FAM227A: variants seen among roughly 807,000 people sequenced by gnomAD.
The protein encoded by FAM227A is family with sequence similarity 227 member A, also known as protein FAM227A.
In FAM227A, 80 loss-of-function variants were observed where a neutral mutation model predicts 74.7. The ratio of observed to expected loss-of-function variants is 1.07; its 90% CI spans 0.89 to 1.29. The LOEUF is 1.29. Among genes scored for constraint, FAM227A ranks in the 50% most tolerant of loss-of-function variants. The pLI is 0.00. For missense variants in FAM227A, 654 were observed against 683.4 expected (o/e 0.96, Z 0.48); for synonymous variants, 237 against 241.8 (o/e 0.98, Z 0.19).
intron 14 of FAM227A, among the ~76,000 whole-genome samples, chr22:38,597,977 A>G (rs2091084644): frequency 6.8e-6 from 1 of 148,030 alleles, no homozygotes; most frequent in Admixed American, 6.8e-5. Flanking sequence ...CAGGAGGCGG[A>G]AGTTGCGGTG....
intron 11 of FAM227A, among the ~76,000 whole-genome samples, chr22:38,613,289 T>TATCATATACA (rs2091483220): frequency 6.1e-5 from 5 of 82,132 alleles, no homozygotes. Context: ...TCATATATAA[T>TATCATATACA]ATATATCATA....
Position 38,583,064 on chromosome 22 carries a change from A to G in FAM227A, c.*3061T>C. On this transcript the variant is annotated 3_prime_UTR_variant, in exon 17 of 17. Transcript: ENST00000535113. ...GAGAAACTGCAAATGAAGAGTTGAC[A>G]GTGGCTGGGGTAGTAAAGGGAAGGT... 1 of 1,207,940 alleles carries G rather than the reference A, an allele frequency of 8.3e-7. No homozygotes were observed. Among genetic ancestry groups the G allele is most frequent in the South Asian group, 1.4e-5 (1 of 69,462 alleles). 74.8% of individuals were successfully genotyped at this position (1,207,940 alleles called of 1,614,324 possible).
chr22:38,612,487 T>G (rs1402034213), intron 11 of FAM227A, among the ~76,000 whole-genome samples: 2 of 152,184 alleles, frequency 1.3e-5, no homozygotes, highest in Admixed American at 1.3e-4. Flanking sequence ...TGACTCCTCA[T>G]CTCTTGGTTC....
chr22:38,618,515 T>C (rs2091622906), intron 11 of FAM227A: 2 of 152,202 alleles, frequency 1.3e-5, no homozygotes, highest in Admixed American at 1.3e-4. Context: ...GCCACTTCCT[T>C]GAGGTTTTCG....
At chr22:38,596,975 G>A (rs1016195039) in intron 15 of FAM227A, among the ~76,000 whole-genome samples, 71 of 151,716 alleles carry the variant, frequency 4.7e-4, no homozygotes, top group African/African-American at 1.6e-3. Flanking sequence ...TCCTTTGTTT[G>A]CTTTCATTGA....
At chr22:38,586,304 T>C in intron 16 of FAM227A, 105 bp from the exon 17 acceptor site, 1 of 1,283,122 alleles carries the variant, frequency 7.8e-7, no homozygotes, top group East Asian at 2.5e-5. Flanking sequence ...GATCCTTGTG[T>C]GCATGGAATA....
chr22:38,616,646 A>G (rs1196666046), intron 11 of FAM227A, among the ~76,000 whole-genome samples: 1 of 151,764 alleles, frequency 6.6e-6, no homozygotes, highest in Non-Finnish European at 1.5e-5. Flanking sequence ...AGCCTGGGCT[A>G]CAGGAGCGAA....
At position 38,582,574 on chromosome 22, in the gene FAM227A, A is replaced by T. The variant is rs964270843; in HGVS notation, c.*3551T>A. 22 of 810,744 alleles carry T rather than the reference A, an allele frequency of 2.7e-5. No individual in the cohort carries two copies. Among genetic ancestry groups the T allele is most frequent in the African/African-American group, 6.9e-5 (4 of 57,798 alleles). The allele number at this position is 810,744 out of a possible 1,614,324, so 50.2% of individuals were successfully genotyped here. ...TCTAATGTTTACAAAGGGCAGAGAC[A>T]GGTTTCTTCATATTTAACATCCTGA... is the stretch of plus-strand genomic sequence containing the variant. On this transcript the variant is annotated 3_prime_UTR_variant, in exon 17 of 17. Transcript: ENST00000535113.
At chr22:38,601,815 T>C (rs2091184881) in intron 13 of FAM227A, among the ~76,000 whole-genome samples, 1 of 151,988 alleles carries the variant, frequency 6.6e-6, no homozygotes, top group Non-Finnish European at 1.5e-5. Flanking sequence ...CTCAGAGGAC[T>C]TGGGTGTCAG....
intron 1 of FAM227A, among the ~76,000 whole-genome samples, chr22:38,652,352 G>A (rs1334268002): frequency 6.6e-6 from 1 of 152,108 alleles, no homozygotes; most frequent in East Asian, 1.9e-4. Context: ...ACTTTGGGAG[G>A]CCGAGGCAGG....
At chr22:38,608,599 T>C (rs1196378990) in intron 11 of FAM227A, among the ~76,000 whole-genome samples, 1 of 150,908 alleles carries the variant, frequency 6.6e-6, no homozygotes, top group East Asian at 2.0e-4. Context: ...CCCAGCTAAT[T>C]TTTGTTCTTT....
chr22:38,582,926 A>C lies in FAM227A; in HGVS notation c.*3199T>G. On this transcript the variant is annotated 3_prime_UTR_variant, in exon 17 of 17. Transcript: ENST00000535113. ...GACGTCTAAGCGGGGTCCTGGAGGA[A>C]GAGCAGGAATTAGTGATGTTGGCAG... 1 of 1,550,520 alleles carries C rather than the reference A, an allele frequency of 6.4e-7. No individual in the cohort carries two copies. The highest frequency in any genetic ancestry group is 8.7e-7 in the Non-Finnish European group (1 of 1,146,962).
rs1171817404 is a variant in FAM227A, at chr22:38,639,735, C to T, written c.226-11G>A. 4 of 1,527,396 alleles carry T rather than the reference C, an allele frequency of 2.6e-6. No individual in the cohort carries two copies. The African/African-American group carries it at 4.1e-5, about 16-fold the overall frequency. The allele number at this position is 1,527,396 out of a possible 1,614,324, so 94.6% of individuals were successfully genotyped here. A position where few individuals can be genotyped will look rare whatever the true frequency, so the allele number is the denominator to read the frequency against. ...AAATCTCTCAATTGCCTTCAAAAAC[C>T]AAGAAAAAGGGGGGCATTAGGGATT... On this transcript the variant is annotated splice_polypyrimidine_tract_variant and intron_variant, in intron 3 of 16. Transcript: ENST00000535113.
Position 38,585,856 on chromosome 22 carries a change from A to T in FAM227A, c.*269T>A. On this transcript the variant is annotated 3_prime_UTR_variant, in exon 17 of 17. Transcript: ENST00000535113. ...GAAAGTTTTACCTTTGTATGAGGTC[A>T]TATTTGTAACATACTTACCAGCATG... The T allele has an allele frequency of 1.4e-6, 1 of 692,042 alleles. No homozygotes were observed. Among genetic ancestry groups the T allele is most frequent in the South Asian group, 2.4e-5 (1 of 41,976 alleles). The allele number at this position is 692,042 out of a possible 1,614,324, so 42.9% of individuals were successfully genotyped here. A position where few individuals can be genotyped will look rare whatever the true frequency, so the allele number is the denominator to read the frequency against.
chr22:38,608,377 G>A (rs751672489), intron 11 of FAM227A, among the ~76,000 whole-genome samples: 20 of 151,812 alleles, frequency 1.3e-4, no homozygotes, highest in East Asian at 3.9e-4. Context: ...GTCTGAAGGC[G>A]GGCAAGCCTG....
In FAM227A at chr22:38,623,243, T is replaced by G; in HGVS notation, c.887A>C (p.Asp296Ala). The G allele has an allele frequency of 6.4e-7, 1 of 1,551,590 alleles. No homozygotes were observed. Among genetic ancestry groups the G allele is most frequent in the Non-Finnish European group, 8.7e-7 (1 of 1,146,908 alleles). The change falls in exon 10 of 17, where the codon GAC (aspartate) becomes GCC (alanine). Residue 296 changes from aspartate (D) to alanine (A), a missense_variant. Coordinates refer to ENST00000535113, the MANE Select transcript of FAM227A (RefSeq NM_001013647.2). ...YPSPQSYDSW[D>A]YSELDPERFR... Reference sequence around the variant, plus strand: ...TCGCTCTGGGTCTAGTTCCGAGTAGTCCCAGCTGTCATAGCTCTGTGGGCT... The same window carrying G: ...TCGCTCTGGGTCTAGTTCCGAGTAGGCCCAGCTGTCATAGCTCTGTGGGCT...
intron 11 of FAM227A, among the ~76,000 whole-genome samples, chr22:38,613,273 T>A (rs1334463137): frequency 1.5e-4 from 12 of 80,374 alleles, no homozygotes; most frequent in East Asian, 3.1e-4. Context: ...TAACATATAT[T>A]ATATATCATA....
chr22:38,644,869 C>T (rs1191495526), intron 3 of FAM227A, among the ~76,000 whole-genome samples: 1 of 151,738 alleles, frequency 6.6e-6, no homozygotes, highest in East Asian at 1.9e-4. Context: ...GGGTGGATCA[C>T]TTGAGGTGGG....
intron 6 of FAM227A, among the ~76,000 whole-genome samples, chr22:38,631,408 G>A (rs1480863566): frequency 2.0e-5 from 3 of 152,050 alleles, no homozygotes; most frequent in Non-Finnish European, 2.9e-5. Flanking sequence ...TGATGAGGAC[G>A]AGGGTTGAAA....
Sources: gnomAD v4.1 joint callset for allele counts (sites outside exome capture counted in the v4.1 genomes callset) on GRCh38, gnomAD v4.1.1 for gene constraint, MANE v1.5 for transcripts, NCBI Gene and HGNC (gene_info 2026-07-23, HGNC 2026-07-21) for gene names.